CSNK1A1: variants seen among roughly 807,000 people sequenced by gnomAD.
The protein encoded by CSNK1A1 is casein kinase I isoform alpha.
In CSNK1A1, 7 loss-of-function variants were observed where a neutral mutation model predicts 46.1. The ratio of observed to expected loss-of-function variants is 0.15; its 90% confidence interval spans 0.09 to 0.29. The LOEUF is 0.29. Among genes scored for constraint, CSNK1A1 ranks in the 10% least tolerant of loss-of-function variants. The probability of loss-of-function intolerance (pLI) is 1.00; values close to 1 mark genes in which losing one functional copy is unlikely to be tolerated. For synonymous variants in CSNK1A1, 137 were observed against 141.5 expected (o/e 0.97, Z 0.23); for missense variants, 96 against 417.1 (o/e 0.23, Z 6.71).
At chr5:149,503,714 C>A in intron 9 of CSNK1A1, 1 of 985,368 alleles carries the variant, frequency 1.0e-6, no homozygotes, top group Middle Eastern at 5.2e-4. Flanking sequence ...ATGGATAGGG[C>A]AGGACACAAA....
At chr5:149,549,378 T>C in intron 2 of CSNK1A1, 1 of 678,988 alleles carries the variant, frequency 1.5e-6, no homozygotes, top group Non-Finnish European at 2.7e-6. Flanking sequence ...TTACATAGTG[T>C]AATTCAACAA....
At chr5:149,523,003 A>G (rs1467934308) in intron 3 of CSNK1A1, among the ~76,000 whole-genome samples, 1 of 151,604 alleles carries the variant, frequency 6.6e-6, no homozygotes, top group Non-Finnish European at 1.5e-5. Flanking sequence ...TAACTCTTTT[A>G]TTAGGATTCA....
chr5:149,542,044 C>T (rs1348117263), intron 2 of CSNK1A1, among the ~76,000 whole-genome samples: 2 of 150,598 alleles, frequency 1.3e-5, no homozygotes, highest in African/African-American at 4.9e-5. Context: ...ATCCCTGGGC[C>T]ACTGACCGGT....
intron 3 of CSNK1A1, among the ~76,000 whole-genome samples, chr5:149,522,045 C>A (rs1444556154): frequency 1.3e-5 from 2 of 152,052 alleles, no homozygotes; most frequent in Non-Finnish European, 2.9e-5. Context: ...ATTATGTAAA[C>A]AAATTTAAAT....
intron 2 of CSNK1A1, chr5:149,545,907 G>A: frequency 4.1e-6 from 1 of 242,250 alleles, no homozygotes. Context: ...TTTTTTTTTT[G>A]ATACGGAGCC....
At chr5:149,514,125 A>C (rs1291379649) in intron 4 of CSNK1A1, among the ~76,000 whole-genome samples, 1 of 152,174 alleles carries the variant, frequency 6.6e-6, no homozygotes, top group Non-Finnish European at 1.5e-5. Flanking sequence ...AAATCCCCCC[A>C]AAAAGCGCTT....
chr5:149,535,569 AG>A (rs947703296), intron 2 of CSNK1A1, among the ~76,000 whole-genome samples: 3 of 152,238 alleles, frequency 2.0e-5, no homozygotes, highest in Non-Finnish European at 2.9e-5. Context: ...AAAGAAAAAA[AG>A]AAATCAAACA....
intron 9 of CSNK1A1, chr5:149,498,815 A>G (rs1053404319): frequency 4.9e-5 from 48 of 985,342 alleles, no homozygotes; most frequent in Non-Finnish European, 5.8e-5. Flanking sequence ...CTAAAATGGA[A>G]ACATGCTACA....
rs1171078885 is a variant in CSNK1A1 at position 149,525,219 on chromosome 5, T to G, written c.231-48A>C. 2.0e-6 allele frequency: 3 copies of G among 1,513,368 alleles called. No individual in the cohort carries two copies. The highest frequency in any genetic ancestry group is 2.7e-6 in the Non-Finnish European group (3 of 1,127,756). 93.7% of individuals were successfully genotyped at this position (1,513,368 alleles called of 1,614,324 possible). A position where few individuals can be genotyped will look rare whatever the true frequency, so the allele number is the denominator to read the frequency against. ...GAGGATATTACAAAAAGCTATTACT[T>G]AATATCATCAACCCTAAGAATAATA... On this transcript the variant is annotated intron_variant, in intron 2 of 9. Transcript: ENST00000377843. This position sits in a 1 kb window ranked among gnomAD's most constrained non-coding sequence, Gnocchi z 4.2.
chr5:149,534,482 C>CAAAAAAAAAAAAAAAAAA (rs10597922), intron 2 of CSNK1A1, among the ~76,000 whole-genome samples: 3 of 94,980 alleles, frequency 3.2e-5, no homozygotes, highest in South Asian at 3.6e-4. Flanking sequence ...GACTCTGTCT[C>CAAAAAAAAAAAAAAAAAA]AAAAAAAAAA....
intron 2 of CSNK1A1, chr5:149,529,595 AG>A (rs1298834678): frequency 1.4e-5 from 6 of 423,950 alleles, no homozygotes; most frequent in Non-Finnish European, 2.9e-5. Flanking sequence ...AAGGCAGAAA[AG>A]GGCTTACCAG....
intron 9 of CSNK1A1, 139 bp downstream of exon 9, chr5:149,505,308 C>T: frequency 2.8e-6 from 4 of 1,419,826 alleles, no homozygotes; most frequent in Non-Finnish European, 3.7e-6. Flanking sequence ...TTTCCAAGGA[C>T]GTCTTTTTTT....
intron 9 of CSNK1A1, among the ~76,000 whole-genome samples, chr5:149,500,495 T>G (rs1474952950): frequency 6.6e-6 from 1 of 152,048 alleles, no homozygotes; most frequent in Non-Finnish European, 1.5e-5. Flanking sequence ...GCCAGGATGG[T>G]CTCAATCTCC....
At chr5:149,529,775 T>C in intron 2 of CSNK1A1, 2 of 456,052 alleles carry the variant, frequency 4.4e-6, no homozygotes, top group Non-Finnish European at 8.8e-6. Context: ...ATAATTAAAA[T>C]CAGTAATTAT....
chr5:149,504,850 C>A, intron 9 of CSNK1A1: 1 of 985,362 alleles, frequency 1.0e-6, no homozygotes, highest in Non-Finnish European at 1.2e-6. Flanking sequence ...AAAAGATGTG[C>A]TGAGCTTTGC....
chr5:149,504,645 AAGACTAGC>A (rs1760970259), intron 9 of CSNK1A1: 2 of 985,306 alleles, frequency 2.0e-6, no homozygotes, highest in Admixed American at 1.2e-4. Flanking sequence ...GAAAGGAAAT[AAGACTAGC>A]GGTTTCAATG....
At chr5:149,498,528 A>C (rs1424094476) in intron 9 of CSNK1A1, 1 of 985,238 alleles carries the variant, frequency 1.0e-6, no homozygotes. Context: ...GGGAGTTTAA[A>C]AAAGAAAAAA....
At chr5:149,549,245 T>A in intron 2 of CSNK1A1, 1 of 494,470 alleles carries the variant, frequency 2.0e-6, no homozygotes, top group Non-Finnish European at 3.7e-6. Context: ...TTAACATAGT[T>A]GGTGCTGCTC....
Position 149,495,169 on chromosome 5 carries a change from A to C in CSNK1A1, c.*1684T>G, listed in dbSNP as rs933800719. On this transcript the variant is annotated 3_prime_UTR_variant, in exon 10 of 10. Coordinates refer to ENST00000377843, the MANE Select transcript of CSNK1A1 (RefSeq NM_001892.6). ...GGTACTAATATCCCTTAATGGCAGA[A>C]TGTGATAATCATGGAATTAATTATT... 5 of 152,230 alleles carry C rather than the reference A, an allele frequency of 3.3e-5. No homozygotes were observed. Among genetic ancestry groups the C allele is most frequent in the African/African-American group, 1.2e-4 (5 of 41,462 alleles). 9.4% of individuals were successfully genotyped at this position (152,230 alleles called of 1,614,324 possible).
Sources: gnomAD v4.1 joint callset for allele counts (sites outside exome capture counted in the v4.1 genomes callset) on GRCh38, gnomAD v4.1.1 for gene constraint, Gnocchi (gnomAD v3.1) non-coding constraint, MANE v1.5 for transcripts, NCBI Gene and HGNC (gene_info 2026-07-23, HGNC 2026-07-21) for gene names.